TMEM130: variants seen among roughly 807,000 people sequenced by gnomAD.
TMEM130 encodes the protein transmembrane protein 130.
A neutral mutation model predicts 42.9 loss-of-function variants in TMEM130; 37 were observed. The observed-to-expected ratio is 0.86, with a 90% CI of 0.66 to 1.13. TMEM130 has a LOEUF of 1.13. Ranked by LOEUF, TMEM130 falls within the 50% of genes most tolerant of loss-of-function variation. The pLI, the probability that TMEM130 is intolerant of heterozygous loss-of-function variation, is 0.00. For synonymous variants in TMEM130, 259 were observed against 237.7 expected (o/e 1.09, Z -0.82); for missense variants, 545 against 562.6 (o/e 0.97, Z 0.32).
chr7:98,869,614 G>A lies in TMEM130; in HGVS notation c.85+163C>T, dbSNP rs1794985659. The stretch of plus-strand genomic sequence containing the variant: ...TTTGGGGAACAAGGATGAAAGGAGA[G>A]GGGAAAGGGCGCTGCAGTGGCCTCA... On this transcript the variant is annotated intron_variant, in intron 1 of 7. Coordinates refer to ENST00000339375, the MANE Select transcript of TMEM130 (RefSeq NM_152913.3). This position sits in a 1 kb window ranked among gnomAD's most constrained non-coding sequence, Gnocchi z 4.7. Among the ~76,000 whole-genome samples, 1 of 152,206 alleles carries A rather than the reference G, an allele frequency of 6.6e-6. No homozygotes were observed. The highest frequency in any genetic ancestry group is 6.5e-5 in the Admixed American group (1 of 15,280).
intron 7 of TMEM130, 86 bp from the exon 8 acceptor site, chr7:98,848,294 C>T: frequency 6.4e-7 from 1 of 1,551,058 alleles, no homozygotes; most frequent in Non-Finnish European, 8.8e-7. Flanking sequence ...CCAGGAGCCC[C>T]ATCAGGTGGC....
Position 98,863,161 on chromosome 7 carries a change from C to A in TMEM130, c.325G>T (p.Val109Phe). The A allele has an allele frequency of 6.2e-7, 1 of 1,614,090 alleles. No individual in the cohort carries two copies. The highest frequency in any genetic ancestry group is 8.5e-7 in the Non-Finnish European group (1 of 1,180,050). ...VPGEFPVSVW[V>F]TAADCWMCQP... ...CACATCCAGCAGTCAGCGGCAGTGA[C>A]CCAGACAGAGACCGGGAATTCCCCG... is the stretch of plus-strand genomic sequence containing the variant. Residue 109 changes from valine (V) to phenylalanine (F), a missense_variant, in exon 2 of 8, where the codon GTC (valine) becomes TTC (phenylalanine). Transcript: ENST00000339375.
intron 2 of TMEM130, among the ~76,000 whole-genome samples, chr7:98,862,779 C>T (rs180844631): frequency 1.3e-5 from 2 of 152,226 alleles, no homozygotes; most frequent in South Asian, 2.1e-4. Context: ...GGATTACAAG[C>T]GTGAGCCACC....
chr7:98,859,110 AAAGG>A (rs1299437483), intron 3 of TMEM130, among the ~76,000 whole-genome samples: 1 of 138,290 alleles, frequency 7.2e-6, no homozygotes, highest in East Asian at 2.4e-4. Flanking sequence ...AAGAAGGAAG[AAAGG>A]AAGGGAGGGA....
chr7:98,848,188 C>A lies in TMEM130; in HGVS notation c.1140G>T (p.Gly380=). Residue 380 remains glycine, a synonymous_variant, in exon 8 of 8, where the codon GGG becomes GGT. Transcript: ENST00000339375. ...DMVENPEPPS[G]VRCCCQMCCG... ...AGCACATCTGGCAGCAGCACCTGACCCCAGAGGGTGGCTCCGGGTTCTTGT... is the reference window on the plus strand; with the variant it reads ...AGCACATCTGGCAGCAGCACCTGACACCAGAGGGTGGCTCCGGGTTCTTGT... The A allele has an allele frequency of 6.2e-7, 1 of 1,614,058 alleles. No homozygotes were observed. Among genetic ancestry groups the A allele is most frequent in the Non-Finnish European group, 8.5e-7 (1 of 1,180,004 alleles).
At chr7:98,862,897 T>C (rs1444081654) in intron 2 of TMEM130, among the ~76,000 whole-genome samples, 198 bp downstream of exon 2, 1 of 152,218 alleles carries the variant, frequency 6.6e-6, no homozygotes, top group African/African-American at 2.4e-5. Context: ...GCGTCCCTTT[T>C]AGCACAATAC....
At chr7:98,861,623 G>A (rs576511721) in intron 2 of TMEM130, among the ~76,000 whole-genome samples, 3 of 152,146 alleles carry the variant, frequency 2.0e-5, no homozygotes, top group South Asian at 2.1e-4. Context: ...GCGAAGGCAC[G>A]AGAATCGCTT....
chr7:98,851,707 C>CAG, intron 5 of TMEM130, 84 bp from the exon 6 acceptor site: 1 of 1,271,168 alleles, frequency 7.9e-7, no homozygotes, highest in South Asian at 1.5e-5. Context: ...GCCAGGTGGG[C>CAG]AGGAACTTCA....
At chr7:98,860,142 T>A (rs1794730027) in intron 3 of TMEM130, 37 bp downstream of exon 3, 1 of 1,595,002 alleles carries the variant, frequency 6.3e-7, no homozygotes, top group Non-Finnish European at 8.5e-7. Context: ...GGGGCACCAG[T>A]GACAGCTGTA....
chr7:98,864,498 T>C (rs1246103822), intron 1 of TMEM130, among the ~76,000 whole-genome samples: 2 of 147,950 alleles, frequency 1.4e-5, no homozygotes, highest in East Asian at 4.3e-4. Flanking sequence ...ATTACAGGCA[T>C]GAGCCAGCGT....
chr7:98,863,644 T>C (rs1323963301), intron 1 of TMEM130, among the ~76,000 whole-genome samples: 2 of 137,700 alleles, frequency 1.5e-5, no homozygotes, highest in East Asian at 2.5e-4. Context: ...CCTCCCTCCT[T>C]CTTCCTTCCC....
rs138451721 is a variant in TMEM130, at chr7:98,863,188, G to A, written c.298C>T (p.Pro100Ser). Residue 100 changes from proline (P) to serine (S), a missense_variant, in exon 2 of 8, where the codon CCC (proline) becomes TCC (serine). Coordinates refer to ENST00000339375, the MANE Select transcript of TMEM130 (RefSeq NM_152913.3). ...CAGACAGAGACCGGGAATTCCCCGG[G>A]CACGTGGCCGACCACACGGATGGTG... ...SSTIRVVGHV[P>S]GEFPVSVWVT... 1.9e-6 allele frequency: 3 copies of A among 1,614,124 alleles called. 1 individual carries two copies. The highest frequency in any genetic ancestry group is 4.5e-5 in the East Asian group (2 of 44,876).
At chr7:98,868,446 A>G (rs1368410834) in intron 1 of TMEM130, among the ~76,000 whole-genome samples, 1 of 152,202 alleles carries the variant, frequency 6.6e-6, no homozygotes, top group Non-Finnish European at 1.5e-5. Context: ...AGCCCTGAAC[A>G]TTCTAGAAAA....
intron 6 of TMEM130, among the ~76,000 whole-genome samples, chr7:98,850,245 T>C (rs1794457043): frequency 9.2e-6 from 1 of 108,614 alleles, no homozygotes; most frequent in Non-Finnish European, 2.0e-5. Flanking sequence ...TCTCTCTGTC[T>C]CTCTCATATA....
At chr7:98,859,379 C>T (rs562977141) in intron 3 of TMEM130, among the ~76,000 whole-genome samples, 2 of 152,262 alleles carry the variant, frequency 1.3e-5, no homozygotes, top group Admixed American at 6.5e-5. Flanking sequence ...GGGTACCCTT[C>T]GAGGTCAAAT....
intron 5 of TMEM130, among the ~76,000 whole-genome samples, chr7:98,854,302 T>C (rs1464878028): frequency 1.3e-5 from 2 of 152,130 alleles, no homozygotes; most frequent in African/African-American, 4.8e-5. Context: ...AAGAACCACA[T>C]GGGCAAAGAT....
At chr7:98,868,789 C>A (rs1278142660) in intron 1 of TMEM130, among the ~76,000 whole-genome samples, 10 of 152,152 alleles carry the variant, frequency 6.6e-5, no homozygotes, top group African/African-American at 2.2e-4. Context: ...CAATTTAGGA[C>A]ACATTGAAAA....
intron 7 of TMEM130, 119 bp from the exon 8 acceptor site, chr7:98,848,327 G>T: frequency 8.1e-7 from 1 of 1,235,304 alleles, no homozygotes; most frequent in Non-Finnish European, 1.1e-6. Flanking sequence ...GCTGCCTGGT[G>T]GCAGAGTGCA....
chr7:98,850,265 A>AT (rs1350696474), intron 6 of TMEM130, among the ~76,000 whole-genome samples: 71 of 20,484 alleles, frequency 3.5e-3, no homozygotes, highest in East Asian at 0.014. Context: ...ATATATATAT[A>AT]TATATATATT....
Sources: gnomAD v4.1 joint callset for allele counts (sites outside exome capture counted in the v4.1 genomes callset) on GRCh38, gnomAD v4.1.1 for gene constraint, Gnocchi (gnomAD v3.1) non-coding constraint, MANE v1.5 for transcripts, NCBI Gene and HGNC (gene_info 2026-07-23, HGNC 2026-07-21) for gene names.